KCNAB2: variants seen among roughly 807,000 people sequenced by gnomAD.
KCNAB2 encodes voltage-gated potassium channel subunit beta-2.
A neutral mutation model predicts 63.6 loss-of-function variants in KCNAB2; 29 were observed. The ratio of observed to expected loss-of-function variants is 0.46; its 90% CI spans 0.34 to 0.62. The LOEUF (loss-of-function observed/expected upper bound fraction) is 0.62, where lower values mean the gene tolerates loss of function less well. Ranked by LOEUF, KCNAB2 falls within the 20% of genes least tolerant of loss-of-function variation. KCNAB2 has a pLI of 0.01. For synonymous variants in KCNAB2, 222 were observed against 224.2 expected (o/e 0.99, Z 0.09); for missense variants, 359 against 563.9 (o/e 0.64, Z 3.68).
At chr1:5,992,993 C>T (rs1656606949) in intron 1 of KCNAB2, among the ~76,000 whole-genome samples, 1 of 152,038 alleles carries the variant, frequency 6.6e-6, no homozygotes, top group Admixed American at 6.5e-5. Context: ...CTCCCTTCCC[C>T]CATCCCTTTC....
intron 1 of KCNAB2, among the ~76,000 whole-genome samples, chr1:6,023,644 G>T (rs1658974529): frequency 6.6e-6 from 1 of 152,164 alleles, no homozygotes; most frequent in Admixed American, 6.5e-5. Context: ...TAATTGGGCT[G>T]TTTGGTTTTC....
At chr1:6,013,952 G>A (rs1470122003) in intron 1 of KCNAB2, among the ~76,000 whole-genome samples, 1 of 152,140 alleles carries the variant, frequency 6.6e-6, no homozygotes, top group Admixed American at 6.5e-5. Context: ...TTAGAGGGTG[G>A]ACTCCCAGAA....
chr1:6,015,968 T>A (rs1404279896), intron 1 of KCNAB2, among the ~76,000 whole-genome samples: 1 of 152,134 alleles, frequency 6.6e-6, no homozygotes, highest in Non-Finnish European at 1.5e-5. Flanking sequence ...TCCCAAAGTG[T>A]TAGGATTACA....
intron 5 of KCNAB2, among the ~76,000 whole-genome samples, chr1:6,084,831 T>G (rs1181021066): frequency 6.6e-6 from 1 of 151,662 alleles, no homozygotes; most frequent in Non-Finnish European, 1.5e-5. Context: ...AACAAGATAC[T>G]TCTCTGGAAA....
chr1:6,023,884 C>T (rs1041499670), intron 1 of KCNAB2, among the ~76,000 whole-genome samples: 1 of 151,864 alleles, frequency 6.6e-6, no homozygotes, highest in African/African-American at 2.4e-5. Context: ...GGGATCCTCC[C>T]ACCTCAGCCT....
At chr1:6,097,514 C>A in intron 15 of KCNAB2, 157 bp downstream of exon 15, 1 of 1,320,666 alleles carries the variant, frequency 7.6e-7, no homozygotes, top group Non-Finnish European at 1.0e-6. Flanking sequence ...GCTTGCTTTC[C>A]AGCAGGAACA....
At chr1:6,085,071 C>T (rs536584359) in intron 5 of KCNAB2, 133 bp from the exon 6 acceptor site, 22 of 861,608 alleles carry the variant, frequency 2.6e-5, no homozygotes, top group East Asian at 2.2e-4. Context: ...TGAGCCAAGG[C>T]GGGTGTTAAC....
rs569547642 is a variant in KCNAB2, at chr1:6,092,453, G to A, written c.646+1146G>A. On this transcript the variant is annotated intron_variant, in intron 10 of 15. Coordinates refer to ENST00000378083, the MANE Select transcript of KCNAB2 (RefSeq NM_001199862.2). Reference sequence around the variant, plus strand: ...GGGACCTTGGAGACCTGAGACAGCTGCCGGGGAGGGAGAGTGAGGGAACGG... The same window carrying A: ...GGGACCTTGGAGACCTGAGACAGCTACCGGGGAGGGAGAGTGAGGGAACGG... Among the ~76,000 whole-genome samples, 264 of 152,388 alleles carry A rather than the reference G, an allele frequency of 1.7e-3. 1 individual carries two copies. The highest frequency in any genetic ancestry group is 6.2e-3 in the African/African-American group (257 of 41,590).
At chr1:6,051,046 C>T (rs180790232) in intron 1 of KCNAB2, among the ~76,000 whole-genome samples, 12 of 152,346 alleles carry the variant, frequency 7.9e-5, no homozygotes, top group African/African-American at 2.2e-4. Context: ...GTGTGCCCTG[C>T]GCTGCTTTCC....
rs1377183407 is a variant in KCNAB2, at chr1:6,035,298, T to G, written c.-53+504T>G. 6.6e-6 allele frequency among the ~76,000 whole-genome samples: 1 copy of G among 152,124 alleles called. No individual in the cohort carries two copies. The highest frequency in any genetic ancestry group is 2.4e-5 in the African/African-American group (1 of 41,420). ...TGTGGACCCACTGTTGAGATTGGAC[T>G]TTGGCTCTGAATGGAATGGAAGCCA... On this transcript the variant is annotated intron_variant, in intron 1 of 15. Transcript: ENST00000164247. This position sits in a 1 kb window ranked among gnomAD's most constrained non-coding sequence, Gnocchi z 5.0.
chr1:6,037,247 G>A (rs184428763), intron 1 of KCNAB2, among the ~76,000 whole-genome samples: 22 of 152,288 alleles, frequency 1.4e-4, no homozygotes, highest in South Asian at 4.1e-4. Flanking sequence ...TTGTGATTCC[G>A]GAATTCTGGA....
At chr1:6,091,186 G>A in intron 9 of KCNAB2, 77 bp from the exon 10 acceptor site, 2 of 1,067,398 alleles carry the variant, frequency 1.9e-6, no homozygotes, top group Non-Finnish European at 2.8e-6. Context: ...CCTCCCCGCT[G>A]TGCCTTCGTC....
upstream of KCNAB2, among the ~76,000 whole-genome samples, chr1:6,042,250 G>A (rs1215957526): frequency 6.6e-6 from 1 of 152,112 alleles, no homozygotes; most frequent in East Asian, 1.9e-4. Flanking sequence ...AGGACGTGGC[G>A]AGCCCATCCG....
At chr1:6,025,327 G>C (rs1010977282) in intron 1 of KCNAB2, among the ~76,000 whole-genome samples, 2 of 152,146 alleles carry the variant, frequency 1.3e-5, no homozygotes, top group Non-Finnish European at 2.9e-5. Context: ...CACGGTGCAG[G>C]TGGCTGGCAC....
chr1:6,047,189 G>A (rs545456628), intron 1 of KCNAB2, among the ~76,000 whole-genome samples: 2 of 152,312 alleles, frequency 1.3e-5, no homozygotes, highest in East Asian at 3.9e-4. Flanking sequence ...TGGAAGTCAG[G>A]GGTCACTGTG....
chr1:6,008,783 C>A (rs1657978617), intron 1 of KCNAB2, among the ~76,000 whole-genome samples: 1 of 152,158 alleles, frequency 6.6e-6, no homozygotes, highest in Admixed American at 6.5e-5. Context: ...GTCCCAGGCC[C>A]CTGGGGTCTC....
chr1:6,013,821 C>T (rs1025140256), intron 1 of KCNAB2, among the ~76,000 whole-genome samples: 1 of 152,172 alleles, frequency 6.6e-6, no homozygotes, highest in South Asian at 2.1e-4. Context: ...CCCGGGCCCC[C>T]CCAGCAGTCG....
At chr1:6,094,378 G>C (rs1388605592) in intron 10 of KCNAB2, 22 bp from the exon 11 acceptor site, 3 of 1,596,156 alleles carry the variant, frequency 1.9e-6, no homozygotes, top group Non-Finnish European at 2.6e-6. Context: ...CCCACCTGCG[G>C]TTTCCCTTTC....
At chr1:6,027,949 G>A (rs10864321) in intron 1 of KCNAB2, among the ~76,000 whole-genome samples, 64,295 of 152,138 alleles carry the variant, frequency 0.42, 13,882 homozygotes, top group East Asian at 0.6. Context: ...TCTTCTCCTC[G>A]CATTTCTTTG....
Sources: allele counts gnomAD v4.1 joint callset (sites outside exome capture counted in the v4.1 genomes callset), GRCh38; gene constraint gnomAD v4.1.1; non-coding constraint Gnocchi (gnomAD v3.1); transcripts MANE v1.5; gene names NCBI Gene and HGNC (gene_info 2026-07-23, HGNC 2026-07-21).